ANKRD44: variants seen among roughly 807,000 people sequenced by gnomAD.
ANKRD44 encodes ankyrin repeat domain 44.
ANKRD44 carries 35 observed loss-of-function variants against 116.0 expected under a neutral mutation model. That is an observed-to-expected ratio of 0.30 (90% CI 0.23 to 0.40). ANKRD44 has a LOEUF of 0.40. Ranked by LOEUF, ANKRD44 falls within the 10% of genes least tolerant of loss-of-function variation. The probability of loss-of-function intolerance (pLI) is 1.00; values close to 1 mark genes in which losing one functional copy is unlikely to be tolerated. For synonymous variants in ANKRD44, 435 were observed against 461.8 expected (o/e 0.94, Z 0.74); for missense variants, 1,014 against 1,242.6 (o/e 0.82, Z 2.77).
intron 16 of ANKRD44, among the ~76,000 whole-genome samples, chr2:197,065,944 C>T (rs1250841271): frequency 6.6e-6 from 1 of 152,186 alleles, no homozygotes; most frequent in Non-Finnish European, 1.5e-5. Flanking sequence ...TTTTACGAGG[C>T]CAGCATCATC....
At chr2:197,230,167 T>C (rs1172584144) in intron 1 of ANKRD44, among the ~76,000 whole-genome samples, 2 of 152,144 alleles carry the variant, frequency 1.3e-5, no homozygotes, top group Non-Finnish European at 2.9e-5. Flanking sequence ...TGCCAAGAAT[T>C]TTTTTAAAGG....
chr2:197,242,998 G>A (rs954718989), intron 1 of ANKRD44, among the ~76,000 whole-genome samples: 4 of 152,174 alleles, frequency 2.6e-5, no homozygotes, highest in Non-Finnish European at 5.9e-5. Flanking sequence ...CAACTTAATC[G>A]CTTAGGAAAA....
chr2:197,088,629 C>A, intron 12 of ANKRD44, 82 bp downstream of exon 12: 1 of 876,082 alleles, frequency 1.1e-6, no homozygotes, highest in Non-Finnish European at 1.7e-6. Context: ...AGGAAATTGC[C>A]TTTGATTCAC....
At chr2:197,305,926 C>CATCTAGCTTTCTGCTTTTCCT (rs2105925540) in intron 1 of ANKRD44, among the ~76,000 whole-genome samples, 1 of 147,638 alleles carries the variant, frequency 6.8e-6, no homozygotes, top group South Asian at 2.1e-4. Context: ...TTGGTTTGCT[C>CATCTAGCTTTCTGCTTTTCCT]ATCTAGCTTT....
chr2:197,110,038 A>G (rs1350836706), intron 9 of ANKRD44, among the ~76,000 whole-genome samples: 3 of 151,710 alleles, frequency 2.0e-5, no homozygotes, highest in Non-Finnish European at 4.4e-5. Context: ...GTGCAATGGC[A>G]CAATCTTGGC....
chr2:197,277,545 T>C (rs6706197), intron 1 of ANKRD44, among the ~76,000 whole-genome samples: 78,935 of 151,870 alleles, frequency 0.52, 20,984 homozygotes, highest in East Asian at 0.71. Context: ...TCAAAGCTAC[T>C]GTCTGGGATA....
intron 18 of ANKRD44, among the ~76,000 whole-genome samples, chr2:197,012,740 T>C (rs1443863952): frequency 1.3e-5 from 2 of 152,242 alleles, no homozygotes; most frequent in Non-Finnish European, 2.9e-5. Context: ...GTATCTTCAC[T>C]TATTTGCTTC....
rs189410031 is a variant in ANKRD44, at chr2:197,266,532, G to A, written c.27+44046C>T. On this transcript the variant is annotated intron_variant, in intron 1 of 27. Transcript: ENST00000282272. ...TTCACCCTTTATATTTAAAATTTTG[G>A]CATTTTCCTCCCTTTTTCTTTACAC... Among the ~76,000 whole-genome samples the A allele has an allele frequency of 8.5e-4, 129 of 151,092 alleles. 6 individuals carry two copies. The East Asian group carries it at 0.01, about 12-fold the overall frequency.
At chr2:197,106,784 C>T (rs1324337982) in intron 9 of ANKRD44, among the ~76,000 whole-genome samples, 1 of 128,656 alleles carries the variant, frequency 7.8e-6, no homozygotes, top group Admixed American at 8.5e-5. Context: ...AGCAAGACTC[C>T]GTCTCAAATA....
intron 8 of ANKRD44, among the ~76,000 whole-genome samples, chr2:197,120,397 C>T (rs961020261): frequency 6.6e-6 from 1 of 152,164 alleles, no homozygotes; most frequent in Admixed American, 6.6e-5. Context: ...CACCTGTAAT[C>T]CCAGCACTTT....
chr2:197,110,157 A>C (rs2078531566), intron 9 of ANKRD44, among the ~76,000 whole-genome samples: 1 of 152,088 alleles, frequency 6.6e-6, no homozygotes, highest in African/African-American at 2.4e-5. Flanking sequence ...TTGTATTTTT[A>C]GTAAAGACAG....
chr2:197,176,747 C>T (rs926510790), intron 2 of ANKRD44, among the ~76,000 whole-genome samples: 1 of 152,102 alleles, frequency 6.6e-6, no homozygotes, highest in Non-Finnish European at 1.5e-5. Flanking sequence ...TTATACTATC[C>T]TACACTGCCA....
At chr2:197,103,671 G>C (rs1343349871) in intron 9 of ANKRD44, among the ~76,000 whole-genome samples, 1 of 152,072 alleles carries the variant, frequency 6.6e-6, no homozygotes, top group African/African-American at 2.4e-5. Flanking sequence ...TTTCTTTTAA[G>C]TACCTTATTT....
intron 16 of ANKRD44, among the ~76,000 whole-genome samples, chr2:197,034,083 A>AGAGAGAGAGAGC (rs1410716481): frequency 9.9e-5 from 15 of 151,724 alleles, no homozygotes; most frequent in Admixed American, 2.0e-4. Flanking sequence ...AGAGAGAGAG[A>AGAGAGAGAGAGC]GAGCTCATAC....
intron 16 of ANKRD44, chr2:197,078,001 G>T (rs976285190): frequency 1.6e-4 from 24 of 152,006 alleles, no homozygotes; most frequent in African/African-American, 5.8e-4. Context: ...AAAAAATGAA[G>T]ATATTGCATG....
At chr2:197,243,040 G>A (rs974028134) in intron 1 of ANKRD44, among the ~76,000 whole-genome samples, 1 of 152,190 alleles carries the variant, frequency 6.6e-6, no homozygotes, top group Non-Finnish European at 1.5e-5. Context: ...CAGCTCTGCT[G>A]GAACTCAGTT....
At chr2:197,185,929 T>C (rs1574227482) in intron 2 of ANKRD44, among the ~76,000 whole-genome samples, 1 of 152,206 alleles carries the variant, frequency 6.6e-6, no homozygotes, top group East Asian at 1.9e-4. Context: ...TGTGAGCCAC[T>C]TATAGTCTGT....
chr2:197,085,085 G>C (rs997832458), intron 13 of ANKRD44, among the ~76,000 whole-genome samples: 1 of 152,104 alleles, frequency 6.6e-6, no homozygotes, highest in Non-Finnish European at 1.5e-5. Flanking sequence ...AGTTTTTCTG[G>C]TATGACCAGC....
chr2:197,272,526 G>A (rs929363464), intron 1 of ANKRD44, among the ~76,000 whole-genome samples: 1 of 152,336 alleles, frequency 6.6e-6, no homozygotes, highest in African/African-American at 2.4e-5. Flanking sequence ...GTGAGCCAAT[G>A]CGCCTGGCCA....
Sources: gnomAD v4.1 joint callset for allele counts (sites outside exome capture counted in the v4.1 genomes callset) on GRCh38, gnomAD v4.1.1 for gene constraint, MANE v1.5 for transcripts, NCBI Gene and HGNC (gene_info 2026-07-23, HGNC 2026-07-21) for gene names.